Variants in SLC41A3 observed in about 807,000 individuals in gnomAD.
SLC41A3 encodes the protein solute carrier family 41 member 3, also known as SLC41A1-like 2.
SLC41A3 carries 44 observed loss-of-function variants against 45.4 expected under a neutral mutation model. The ratio of observed to expected loss-of-function variants is 0.97; its 90% CI spans 0.76 to 1.25. The LOEUF is 1.25. Among genes scored for constraint, SLC41A3 ranks in the 50% most tolerant of loss-of-function variants. SLC41A3 has a pLI of 0.00. For synonymous variants in SLC41A3, 256 were observed against 252.4 expected (o/e 1.01, Z -0.13); for missense variants, 550 against 600.6 (o/e 0.92, Z 0.88).
chr3:126,070,229 AC>A (rs35750492), intron 1 of SLC41A3: 1 of 152,070 alleles, frequency 6.6e-6, no homozygotes, highest in Non-Finnish European at 1.5e-5. Flanking sequence ...GGGGTCCCCA[AC>A]CCCCGTTGGG....
chr3:126,050,611 C>T lies in SLC41A3; in HGVS notation c.381+332G>A, dbSNP rs4324433. ...TTGCTTGTCGTGGCTTCTGTGTGAA[C>T]GTGTGATGGGGCTGAGCTCAGGGTC... is the stretch of plus-strand genomic sequence containing the variant. On this transcript the variant is annotated intron_variant, in intron 3 of 10. Transcript: ENST00000360370. 0.99 allele frequency among the ~76,000 whole-genome samples: 151,455 copies of T among 152,294 alleles called. 75,317 individuals are homozygous for T. The highest frequency in any genetic ancestry group is 1 in the Middle Eastern group (294 of 294).
At chr3:126,011,938 C>G (rs1044621759) in intron 9 of SLC41A3, among the ~76,000 whole-genome samples, 3 of 152,182 alleles carry the variant, frequency 2.0e-5, no homozygotes, top group African/African-American at 7.2e-5. Context: ...TCAAAGCCAA[C>G]AAAAAGACAC....
At chr3:126,059,523 A>C (rs1195562931) in intron 2 of SLC41A3, among the ~76,000 whole-genome samples, 1 of 152,112 alleles carries the variant, frequency 6.6e-6, no homozygotes, top group African/African-American at 2.4e-5. Context: ...TTTTCACAAC[A>C]GCCCTGGGAT....
intron 6 of SLC41A3, among the ~76,000 whole-genome samples, chr3:126,021,022 G>A (rs1054797340): frequency 6.6e-6 from 1 of 152,018 alleles, no homozygotes; most frequent in African/African-American, 2.4e-5. Flanking sequence ...AGCCTGCCGA[G>A]TAGCTGGGAC....
intron 7 of SLC41A3, among the ~76,000 whole-genome samples, chr3:126,016,169 C>T (rs1940256909): frequency 6.6e-6 from 1 of 152,246 alleles, no homozygotes; most frequent in Non-Finnish European, 1.5e-5. Flanking sequence ...GGGTGGCCCC[C>T]ATCAAGGTCA....
chr3:126,048,921 T>TA (rs34981926), intron 3 of SLC41A3, among the ~76,000 whole-genome samples: 73 of 147,544 alleles, frequency 4.9e-4, no homozygotes, highest in South Asian at 6.5e-4. Flanking sequence ...AAGACTGATT[T>TA]AAAAAAAAAA....
chr3:126,060,027 G>A (rs1049726788), intron 2 of SLC41A3, among the ~76,000 whole-genome samples: 4 of 152,222 alleles, frequency 2.6e-5, no homozygotes, highest in Admixed American at 6.5e-5. Flanking sequence ...CACAGGAGAC[G>A]CAGAAATAAA....
chr3:126,067,683 T>C (rs1944419912), intron 2 of SLC41A3: 7 of 546,984 alleles, frequency 1.3e-5, no homozygotes, highest in Non-Finnish European at 2.3e-5. Flanking sequence ...AACTTCAAAG[T>C]ACATCAGAAG....
chr3:126,101,489 G>C (rs895971859), exon 1 of SLC41A3: 2 of 152,212 alleles, frequency 1.3e-5, no homozygotes, highest in Non-Finnish European at 2.9e-5. Context: ...GTCCAGTCTC[G>C]CCCATCTGCA....
intron 2 of SLC41A3, chr3:126,056,382 G>C: frequency 6.2e-7 from 1 of 1,613,946 alleles, no homozygotes; most frequent in Non-Finnish European, 8.5e-7. Context: ...TCACCAGGCC[G>C]GCTGTCATCA....
chr3:126,029,225 A>G (rs1327278448), intron 4 of SLC41A3, among the ~76,000 whole-genome samples: 2 of 152,214 alleles, frequency 1.3e-5, no homozygotes, highest in African/African-American at 2.4e-5. Context: ...CTCATGTCAA[A>G]TTATAATCCC....
At chr3:126,032,539 C>A (rs1941876474) in intron 4 of SLC41A3, among the ~76,000 whole-genome samples, 1 of 152,208 alleles carries the variant, frequency 6.6e-6, no homozygotes, top group African/African-American at 2.4e-5. Context: ...CAACCCTGCA[C>A]AGGTAAGGTG....
chr3:126,037,714 T>C (rs997419558), intron 3 of SLC41A3, among the ~76,000 whole-genome samples: 4 of 152,198 alleles, frequency 2.6e-5, no homozygotes, highest in African/African-American at 9.7e-5. Flanking sequence ...GCATACATTT[T>C]TGAAAAATTT....
intron 6 of SLC41A3, among the ~76,000 whole-genome samples, chr3:126,021,900 A>G (rs975272690): frequency 2.0e-5 from 3 of 152,248 alleles, no homozygotes; most frequent in Non-Finnish European, 4.4e-5. Context: ...TTAAAATAAC[A>G]TAAGCTATGG....
At chr3:126,027,286 T>C (rs1576250741) in intron 4 of SLC41A3, among the ~76,000 whole-genome samples, 1 of 124,728 alleles carries the variant, frequency 8.0e-6, no homozygotes, top group South Asian at 3.0e-4. Context: ...GGTGAAGTCA[T>C]CGGTGATCAT....
At chr3:126,086,621 C>G (rs1482022675), upstream of SLC41A3, among the ~76,000 whole-genome samples, 2 of 151,500 alleles carry the variant, frequency 1.3e-5, no homozygotes, top group Non-Finnish European at 2.9e-5. Context: ...TCTAGCAAAC[C>G]AGACTGTCTC....
chr3:126,066,376 C>A (rs1944345507), intron 2 of SLC41A3, among the ~76,000 whole-genome samples: 1 of 152,192 alleles, frequency 6.6e-6, no homozygotes, highest in South Asian at 2.1e-4. Context: ...CCCACAGTAA[C>A]CACGAGATAA....
At chr3:126,021,181 AC>A (rs1940848078) in intron 6 of SLC41A3, among the ~76,000 whole-genome samples, 1 of 152,188 alleles carries the variant, frequency 6.6e-6, no homozygotes, top group Non-Finnish European at 1.5e-5. Context: ...GGCGTGAGCC[AC>A]CGCGCCTGGC....
At chr3:126,033,584 G>T in intron 4 of SLC41A3, 23 bp downstream of exon 4, 4 of 1,608,444 alleles carry the variant, frequency 2.5e-6, no homozygotes, top group Non-Finnish European at 3.4e-6. Context: ...CAGAAGGGAG[G>T]GTCGGACAAG....
Sources: allele counts gnomAD v4.1 joint callset (sites outside exome capture counted in the v4.1 genomes callset), GRCh38; gene constraint gnomAD v4.1.1; transcripts MANE v1.5; gene names NCBI Gene and HGNC (gene_info 2026-07-23, HGNC 2026-07-21).